Variants in POLQ observed in about 807,000 individuals in gnomAD.
POLQ encodes epididymis secretory sperm binding protein.
Under a neutral mutation model 259.2 loss-of-function variants are expected in POLQ, and 233 were observed. The ratio of observed to expected loss-of-function variants is 0.90; its 90% confidence interval spans 0.81 to 1.00. POLQ has a LOEUF of 1.00. Among genes scored for constraint, POLQ ranks in the 50% least tolerant of loss-of-function variants. The pLI is 0.00. For missense variants in POLQ, 2,871 were observed against 3,051.6 expected (o/e 0.94, Z 1.39); for synonymous variants, 1,025 against 1,048.8 (o/e 0.98, Z 0.44).
intron 2 of POLQ, among the ~76,000 whole-genome samples, chr3:121,543,695 C>T (rs1162633372): frequency 6.6e-6 from 1 of 152,048 alleles, no homozygotes; most frequent in East Asian, 1.9e-4. Flanking sequence ...CATGAAAACC[C>T]ATATAGGGCC....
intron 15 of POLQ, among the ~76,000 whole-genome samples, chr3:121,492,848 A>G (rs1037745187): frequency 3.6e-5 from 5 of 138,100 alleles, no homozygotes; most frequent in Admixed American, 2.3e-4. Context: ...AGATCTTGCT[A>G]TGTTGCTCAG....
chr3:121,444,131 G>A (rs1384753937), intron 26 of POLQ, among the ~76,000 whole-genome samples: 1 of 151,840 alleles, frequency 6.6e-6, no homozygotes, highest in Non-Finnish European at 1.5e-5. Context: ...GAAGAGTAAA[G>A]AATGTCATTG....
At chr3:121,504,755 C>A (rs190239273) in intron 12 of POLQ, among the ~76,000 whole-genome samples, 1 of 152,166 alleles carries the variant, frequency 6.6e-6, no homozygotes, top group East Asian at 1.9e-4. Context: ...ATGCCTGTAA[C>A]CCCATTGCAT....
At position 121,489,852 on chromosome 3, in the gene POLQ, G is replaced by A. The variant is rs1208414625; in HGVS notation, c.3079C>T (p.Pro1027Ser). Residue 1027 changes from proline (P) to serine (S), a missense_variant, in exon 16 of 30, where the codon CCT (proline) becomes TCT (serine). Pro to Ser is a moderately conservative substitution (Grantham distance 74, BLOSUM62 -1). This residue lies in a region of POLQ where 2,080 missense variants were observed against 2,126.0 expected (regional missense o/e 0.98). Coordinates refer to ENST00000264233, the MANE Select transcript of POLQ (RefSeq NM_199420.4). ...ATCTTTTCTGAATTGAAATTCAAAGGTGCCTTTTTTGTTTTCTGTGAAAAA... is the reference window on the plus strand; with the variant it reads ...ATCTTTTCTGAATTGAAATTCAAAGATGCCTTTTTTGTTTTCTGTGAAAAA... ...QTFSQKTKKA[P>S]LNFNSEKMSR... 3 of 1,608,350 alleles carry A rather than the reference G, an allele frequency of 1.9e-6. No homozygotes were observed. Among genetic ancestry groups the A allele is most frequent in the African/African-American group, 1.3e-5 (1 of 74,324 alleles).
chr3:121,538,295 G>A (rs1294946031), intron 4 of POLQ, among the ~76,000 whole-genome samples: 3 of 151,906 alleles, frequency 2.0e-5, no homozygotes, highest in Admixed American at 6.6e-5. Flanking sequence ...ACTACTTGGA[G>A]AATTTAACCA....
At chr3:121,451,969 C>T (rs2047681150) in intron 25 of POLQ, among the ~76,000 whole-genome samples, 1 of 152,216 alleles carries the variant, frequency 6.6e-6, no homozygotes, top group Non-Finnish European at 1.5e-5. Context: ...TGTTTACCTA[C>T]TCAAGCCTCA....
intron 19 of POLQ, among the ~76,000 whole-genome samples, chr3:121,479,728 C>T (rs990225377): frequency 6.6e-6 from 1 of 152,078 alleles, no homozygotes; most frequent in Admixed American, 6.5e-5. Flanking sequence ...GCTAGGATTA[C>T]AGGCATGAGC....
rs183612962 is a variant in POLQ, at chr3:121,461,168, C to G, written c.6968-934G>C. On this transcript the variant is annotated intron_variant, in intron 24 of 29. Transcript: ENST00000264233. ...AAGGCTGAGGAGAAAAACACTCGTACATTGTTACTGAGAAGTAAAATGGAA... is the reference window on the plus strand; with the variant it reads ...AAGGCTGAGGAGAAAAACACTCGTAGATTGTTACTGAGAAGTAAAATGGAA... 2.6e-5 allele frequency among the ~76,000 whole-genome samples: 4 copies of G among 152,296 alleles called. No homozygotes were observed. In the East Asian group the frequency reaches 7.7e-4, roughly 29 times the overall value.
intron 16 of POLQ, 81 bp downstream of exon 16, chr3:121,487,221 T>C (rs1378491710): frequency 2.3e-5 from 17 of 744,038 alleles, no homozygotes; most frequent in Middle Eastern, 7.3e-4. Flanking sequence ...ATTTAATATC[T>C]AACATTGAGA....
At chr3:121,454,174 G>C (rs2047708513) in intron 25 of POLQ, among the ~76,000 whole-genome samples, 1 of 152,172 alleles carries the variant, frequency 6.6e-6, no homozygotes. Flanking sequence ...TAACAGACAA[G>C]CAAATGCTGA....
At chr3:121,541,633 G>A (rs1013220003) in intron 2 of POLQ, among the ~76,000 whole-genome samples, 154 bp from the exon 3 acceptor site, 1 of 152,142 alleles carries the variant, frequency 6.6e-6, no homozygotes, top group Non-Finnish European at 1.5e-5. Flanking sequence ...ACCCTGAAAT[G>A]CCCTTTACTT....
chr3:121,489,162 C>T lies in POLQ; in HGVS notation c.3769G>A (p.Asp1257Asn), dbSNP rs773206408. The T allele has an allele frequency of 2.5e-5, 40 of 1,612,918 alleles. No individual in the cohort carries two copies. Among genetic ancestry groups the T allele is most frequent in the Non-Finnish European group, 2.8e-5 (33 of 1,179,782 alleles). ...GGTATCACAGTTCTGCTTATATCAT[C>T]TCCTAATGCCTGAAAATGACTTGGT... ...NKPSHFQALG[D>N]DISRTVIPSE... is the part of the protein sequence containing the mutation. Residue 1257 changes from aspartate (D) to asparagine (N), a missense_variant, in exon 16 of 30, where the codon GAT becomes AAT. By Grantham distance (23) the Asp-to-Asn change is conservative. Around this residue, in one of 3 missense-constraint regions of POLQ, gnomAD observed 2,080 missense variants for 2,126.0 expected, o/e 0.98. Transcript: ENST00000264233.
intron 4 of POLQ, among the ~76,000 whole-genome samples, chr3:121,539,055 T>C (rs551492917): frequency 5.3e-5 from 8 of 152,192 alleles, no homozygotes; most frequent in East Asian, 3.9e-4. Flanking sequence ...AAGCCCAAAA[T>C]AGACATCATA....
At chr3:121,518,491 C>G (rs1032428618) in intron 9 of POLQ, among the ~76,000 whole-genome samples, 9 of 152,198 alleles carry the variant, frequency 5.9e-5, no homozygotes, top group African/African-American at 1.9e-4. Flanking sequence ...TTTCGCAGAT[C>G]TGCATATGTC....
intron 12 of POLQ, among the ~76,000 whole-genome samples, chr3:121,501,123 C>G (rs2048164234): frequency 6.6e-6 from 1 of 151,940 alleles, no homozygotes; most frequent in Non-Finnish European, 1.5e-5. Flanking sequence ...ACCACCACAC[C>G]TGGCTAATTT....
chr3:121,519,359 G>GAT (rs58512042), intron 9 of POLQ, among the ~76,000 whole-genome samples: 35,404 of 136,368 alleles, frequency 0.26, 5,014 homozygotes, highest in East Asian at 0.54. Context: ...AACAGTTGAT[G>GAT]ATATATATAT....
intron 12 of POLQ, among the ~76,000 whole-genome samples, chr3:121,506,025 A>C (rs2108805797): frequency 6.9e-6 from 1 of 144,930 alleles, no homozygotes; most frequent in South Asian, 2.1e-4. Flanking sequence ...TCCATCTCAA[A>C]AAAAAAAAAA....
chr3:121,473,358 T>G lies in POLQ; in HGVS notation c.6535A>C (p.Thr2179Pro), dbSNP rs542732677. ...RKLRLGRQFSTSKDVLNKLKA... is the reference protein window; with the variant it reads ...RKLRLGRQFSPSKDVLNKLKA... ...ACTGCCCCAAAGAGCACCTTACTAG[T>G]GCTGAACTGTCTTCCCAGCCTTAGC... The change falls in exon 21 of 30, where the codon ACT becomes CCT. Residue 2179 changes from threonine to proline, a missense_variant. Physicochemically the swap from Thr to Pro is conservative, Grantham distance 38. This residue lies in a region of POLQ where 2,080 missense variants were observed against 2,126.0 expected (regional missense o/e 0.98). Transcript: ENST00000264233. 6.2e-7 allele frequency: 1 copy of G among 1,613,802 alleles called. No homozygotes were observed. Among genetic ancestry groups the G allele is most frequent in the South Asian group, 1.1e-5 (1 of 90,954 alleles).
chr3:121,528,674 C>T (rs1205279363), intron 7 of POLQ, among the ~76,000 whole-genome samples: 2 of 151,984 alleles, frequency 1.3e-5, no homozygotes, highest in Admixed American at 6.5e-5. Context: ...AGATTTGGGC[C>T]GGGCACAGTG....
Sources: allele counts gnomAD v4.1 joint callset (sites outside exome capture counted in the v4.1 genomes callset), GRCh38; gene constraint gnomAD v4.1.1; regional missense constraint gnomAD v4.1.1; transcripts MANE v1.5; gene names NCBI Gene and HGNC (gene_info 2026-07-23, HGNC 2026-07-21).